The following NAALADL2 variants were observed in gnomAD, a reference collection of about 807,000 sequenced individuals.
NAALADL2 encodes inactive N-acetylated-alpha-linked acidic dipeptidase-like protein 2.
Under a neutral mutation model 87.2 loss-of-function variants are expected in NAALADL2, and 76 were observed. The ratio of observed to expected loss-of-function variants is 0.87; its 90% confidence interval spans 0.72 to 1.05. The LOEUF is 1.05. NAALADL2 is among the 50% of genes least tolerant of loss of function. The pLI is 0.00. For missense variants in NAALADL2, 1,089 were observed against 945.8 expected (o/e 1.15, Z -1.99); for synonymous variants, 354 against 331.0 (o/e 1.07, Z -0.75).
intron 2 of NAALADL2, among the ~76,000 whole-genome samples, chr3:174,728,011 T>C (rs1560176614): frequency 6.6e-6 from 1 of 152,140 alleles, no homozygotes; most frequent in Non-Finnish European, 1.5e-5. Context: ...CTTACTAATA[T>C]GTACTTAAGG....
At chr3:175,068,474 T>C (rs933553134) in intron 1 of NAALADL2, among the ~76,000 whole-genome samples, 2 of 152,138 alleles carry the variant, frequency 1.3e-5, no homozygotes, top group Non-Finnish European at 2.9e-5. Flanking sequence ...AATGTTGTGA[T>C]AGACCACCTC....
chr3:174,538,080 G>A (rs1341288431), intron 1 of NAALADL2, among the ~76,000 whole-genome samples: 61 of 152,098 alleles, frequency 4.0e-4, no homozygotes, highest in Non-Finnish European at 7.4e-5. Context: ...TTGATAGGTT[G>A]CCCCAGCAGA....
intron 4 of NAALADL2, among the ~76,000 whole-genome samples, chr3:175,320,468 A>G (rs1433434210): frequency 1.3e-5 from 2 of 152,152 alleles, no homozygotes; most frequent in Non-Finnish European, 2.9e-5. Flanking sequence ...CTCAGTTGCT[A>G]TATCTGGGAG....
At chr3:174,686,152 T>A (rs1299034268) in intron 2 of NAALADL2, among the ~76,000 whole-genome samples, 1 of 152,086 alleles carries the variant, frequency 6.6e-6, no homozygotes, top group East Asian at 1.9e-4. Flanking sequence ...GTCTTTCTGA[T>A]AGAATGATAT....
intron 1 of NAALADL2, among the ~76,000 whole-genome samples, chr3:174,475,680 A>G (rs1451577609): frequency 6.6e-6 from 1 of 152,022 alleles, no homozygotes; most frequent in African/African-American, 2.4e-5. Context: ...TGTGAATAAT[A>G]AAAGAGCTTT....
intron 2 of NAALADL2, among the ~76,000 whole-genome samples, chr3:174,593,956 T>C (rs1717634384): frequency 6.6e-6 from 1 of 152,218 alleles, no homozygotes; most frequent in South Asian, 2.1e-4. Context: ...TAAGTGGTCA[T>C]TGCTATTGTG....
chr3:175,332,412 C>T (rs1001530054), intron 5 of NAALADL2, among the ~76,000 whole-genome samples: 3 of 152,260 alleles, frequency 2.0e-5, no homozygotes, highest in East Asian at 3.9e-4. Flanking sequence ...AGTGATCCTC[C>T]CACCTCAGCC....
chr3:175,144,375 A>C, intron 2 of NAALADL2, among the ~76,000 whole-genome samples: 1 of 151,980 alleles, frequency 6.6e-6, no homozygotes, highest in Non-Finnish European at 1.5e-5. Context: ...GGAAAACAGG[A>C]ATTGATTATT....
intron 9 of NAALADL2, among the ~76,000 whole-genome samples, chr3:175,487,283 G>A (rs542029436): frequency 9.9e-5 from 15 of 152,184 alleles, no homozygotes; most frequent in Admixed American, 2.0e-4. Context: ...ATCATAGCAC[G>A]TATAATATTC....
intron 6 of NAALADL2, among the ~76,000 whole-genome samples, chr3:175,449,290 G>A (rs1310464170): frequency 3.3e-5 from 5 of 151,900 alleles, no homozygotes; most frequent in Admixed American, 3.3e-4. Flanking sequence ...ATGTTGCCAG[G>A]GCTAGTCTCA....
chr3:174,485,052 A>G (rs1012554495), intron 1 of NAALADL2, among the ~76,000 whole-genome samples: 2 of 152,042 alleles, frequency 1.3e-5, no homozygotes, highest in Non-Finnish European at 2.9e-5. Context: ...ATACCCTTTC[A>G]TATTTAAAGA....
chr3:174,627,146 T>C (rs1311943764), intron 2 of NAALADL2, among the ~76,000 whole-genome samples: 3 of 152,100 alleles, frequency 2.0e-5, no homozygotes, highest in Non-Finnish European at 2.9e-5. Flanking sequence ...CAGATATCTG[T>C]AGTATAATAG....
chr3:174,467,912 A>T (rs1454798599), intron 1 of NAALADL2, among the ~76,000 whole-genome samples: 1 of 151,966 alleles, frequency 6.6e-6, no homozygotes, highest in South Asian at 2.1e-4. Flanking sequence ...AATGCTCTAA[A>T]CTCCCTCTTA....
intron 3 of NAALADL2, among the ~76,000 whole-genome samples, chr3:174,767,346 T>C (rs1020361801): frequency 2.6e-5 from 4 of 152,202 alleles, no homozygotes; most frequent in African/African-American, 4.8e-5. Context: ...TGAGATTCTT[T>C]TATTAATAGT....
intron 1 of NAALADL2, among the ~76,000 whole-genome samples, chr3:175,011,274 GA>G (rs1560472252): frequency 3.5e-5 from 4 of 113,640 alleles, no homozygotes; most frequent in South Asian, 3.2e-4. Context: ...GAGAGAGACA[GA>G]GAGACAGAGA....
intron 1 of NAALADL2, among the ~76,000 whole-genome samples, chr3:175,005,300 A>T (rs1332805161): frequency 6.6e-6 from 1 of 152,214 alleles, no homozygotes; most frequent in Non-Finnish European, 1.5e-5. Flanking sequence ...CAGGAATATA[A>T]ATGACAGCAA....
At chr3:175,277,819 G>C (rs551624711) in intron 4 of NAALADL2, among the ~76,000 whole-genome samples, 1 of 152,062 alleles carries the variant, frequency 6.6e-6, no homozygotes, top group African/African-American at 2.4e-5. Flanking sequence ...TATCATTCTA[G>C]TTTACTTGTA....
At chr3:175,005,564 T>C (rs1191748973) in intron 1 of NAALADL2, among the ~76,000 whole-genome samples, 1 of 152,078 alleles carries the variant, frequency 6.6e-6, no homozygotes, top group Non-Finnish European at 1.5e-5. Flanking sequence ...CAATAAAATA[T>C]TGTAAGGTCT....
At chr3:174,848,064 T>G (rs1467632254) in intron 3 of NAALADL2, among the ~76,000 whole-genome samples, 1 of 151,966 alleles carries the variant, frequency 6.6e-6, no homozygotes, top group Non-Finnish European at 1.5e-5. Context: ...TATCCATGGT[T>G]AAAATCTATG....
Sources: allele counts gnomAD v4.1 joint callset (sites outside exome capture counted in the v4.1 genomes callset), GRCh38; gene constraint gnomAD v4.1.1; transcripts MANE v1.5; gene names NCBI Gene and HGNC (gene_info 2026-07-23, HGNC 2026-07-21).